PDHX: variants seen among roughly 807,000 people sequenced by gnomAD.
PDHX encodes the protein pyruvate dehydrogenase complex component X.
Under a neutral mutation model 55.3 loss-of-function variants are expected in PDHX, and 33 were observed. The ratio of observed to expected loss-of-function variants is 0.60; its 90% confidence interval spans 0.45 to 0.80. The LOEUF (loss-of-function observed/expected upper bound fraction) is 0.80, where lower values mean the gene tolerates loss of function less well. Ranked by LOEUF, PDHX falls within the 30% of genes least tolerant of loss-of-function variation. The probability of loss-of-function intolerance (pLI) is 0.00; values close to 1 mark genes in which losing one functional copy is unlikely to be tolerated. For missense variants in PDHX, 622 were observed against 619.9 expected (o/e 1.00, Z -0.04); for synonymous variants, 226 against 219.4 (o/e 1.03, Z -0.27).
intron 9 of PDHX, among the ~76,000 whole-genome samples, chr11:34,991,382 A>G (rs1855754597): frequency 6.6e-6 from 1 of 152,204 alleles, no homozygotes; most frequent in Admixed American, 6.5e-5. Flanking sequence ...TAACCAAGTA[A>G]ATTAGGCAGG....
intron 8 of PDHX, among the ~76,000 whole-genome samples, chr11:34,984,099 T>C (rs1425109259): frequency 6.6e-6 from 1 of 151,990 alleles, no homozygotes; most frequent in Non-Finnish European, 1.5e-5. Flanking sequence ...GGAACAGATA[T>C]CTCTTTTAAA....
chr11:34,962,158 C>T (rs149352099), intron 5 of PDHX, among the ~76,000 whole-genome samples: 46 of 152,210 alleles, frequency 3.0e-4, no homozygotes, highest in African/African-American at 1.0e-3. Context: ...GATTGCTGCA[C>T]CTTAGGGGGA....
chr11:34,953,483 T>A (rs1197130863), intron 3 of PDHX, among the ~76,000 whole-genome samples: 1 of 152,160 alleles, frequency 6.6e-6, no homozygotes, highest in African/African-American at 2.4e-5. Flanking sequence ...GCTACTGCTA[T>A]CAACTCTAAT....
At chr11:34,932,244 A>G (rs1303254885) in intron 2 of PDHX, among the ~76,000 whole-genome samples, 4 of 152,170 alleles carry the variant, frequency 2.6e-5, no homozygotes, top group Non-Finnish European at 5.9e-5. Context: ...CAAAATCCAG[A>G]TTATAATATG....
At position 34,995,086 on chromosome 11, in the gene PDHX, G is replaced by A. The variant is rs1855833533; in HGVS notation, c.1420G>A (p.Asp474Asn). Residue 474 changes from aspartate (D) to asparagine (N), a missense_variant, in exon 11 of 11, where the codon GAC becomes AAC. Coordinates refer to ENST00000227868, the MANE Select transcript of PDHX (RefSeq NM_003477.3). Reference sequence around the variant, plus strand: ...GCTCATAACAGTCACAATGTCAAGTGACAGTCGAGTGGTTGATGACGAACT... The same window carrying A: ...GCTCATAACAGTCACAATGTCAAGTAACAGTCGAGTGGTTGATGACGAACT... ...RQLITVTMSS[D>N]SRVVDDELAT... 6 of 1,613,950 alleles carry A rather than the reference G, an allele frequency of 3.7e-6. No homozygotes were observed. The highest frequency in any genetic ancestry group is 8.5e-7 in the Non-Finnish European group (1 of 1,179,970).
intron 8 of PDHX, among the ~76,000 whole-genome samples, chr11:34,979,575 T>C (rs1855460349): frequency 1.3e-5 from 2 of 152,202 alleles, no homozygotes; most frequent in African/African-American, 4.8e-5. Context: ...GAAAATTACA[T>C]TAATACAGAA....
chr11:34,917,373 T>C (rs1853754680), intron 1 of PDHX, among the ~76,000 whole-genome samples: 1 of 152,228 alleles, frequency 6.6e-6, no homozygotes, highest in African/African-American at 2.4e-5. Context: ...CAAGCAAATA[T>C]TCGCTTGAAA....
chr11:34,989,081 G>T (rs1394054047), intron 9 of PDHX, among the ~76,000 whole-genome samples: 2 of 152,182 alleles, frequency 1.3e-5, no homozygotes, highest in Admixed American at 1.3e-4. Flanking sequence ...ACCTAGATGG[G>T]ATAGCCTGCT....
Position 34,992,395 on chromosome 11 carries a change from T to C in PDHX, c.1247+16T>C, listed in dbSNP as rs374096203. The C allele has an allele frequency of 4.4e-6, 6 of 1,351,748 alleles. No homozygotes were observed. The highest frequency in any genetic ancestry group is 1.1e-6 in the Non-Finnish European group (1 of 941,944). The allele number at this position is 1,351,748 out of a possible 1,614,324, so 83.7% of individuals were successfully genotyped here. A position where few individuals can be genotyped will look rare whatever the true frequency, so the allele number is the denominator to read the frequency against. On this transcript the variant is annotated intron_variant, in intron 10 of 10. Coordinates refer to ENST00000227868, the MANE Select transcript of PDHX (RefSeq NM_003477.3). ...GATCTTTTAGGTAAAATTTAAACTCTTAATTATCCATAGCATCAAACAGAT... is the reference window on the plus strand; with the variant it reads ...GATCTTTTAGGTAAAATTTAAACTCCTAATTATCCATAGCATCAAACAGAT...
At chr11:34,973,422 G>A (rs1855297136) in intron 7 of PDHX, among the ~76,000 whole-genome samples, 1 of 152,016 alleles carries the variant, frequency 6.6e-6, no homozygotes, top group Non-Finnish European at 1.5e-5. Context: ...TGGGATAGTT[G>A]GATTTAAATC....
At chr11:34,940,581 T>C (rs952190306) in intron 2 of PDHX, among the ~76,000 whole-genome samples, 1 of 152,222 alleles carries the variant, frequency 6.6e-6, no homozygotes, top group African/African-American at 2.4e-5. Flanking sequence ...TTACATACCA[T>C]AACATTTACC....
chr11:34,989,653 C>CT (rs1421586310), intron 9 of PDHX, among the ~76,000 whole-genome samples: 1 of 152,138 alleles, frequency 6.6e-6, no homozygotes, highest in Admixed American at 6.5e-5. Flanking sequence ...ACTTGGCTGG[C>CT]TTTTTTTCAT....
At chr11:34,915,925 C>G, upstream of PDHX, 1 of 490,940 alleles carries the variant, frequency 2.0e-6, no homozygotes, top group Non-Finnish European at 3.6e-6. Context: ...GCCTGCCTTC[C>G]TGATAAATAC....
intron 3 of PDHX, among the ~76,000 whole-genome samples, chr11:34,951,854 C>T (rs1854778815): frequency 6.6e-6 from 1 of 152,014 alleles, no homozygotes; most frequent in African/African-American, 2.4e-5. Context: ...GTCTTTAATC[C>T]ACCTTGAATT....
chr11:34,965,015 G>A (rs1361123733), intron 5 of PDHX, among the ~76,000 whole-genome samples: 1 of 152,048 alleles, frequency 6.6e-6, no homozygotes, highest in Admixed American at 6.5e-5. Flanking sequence ...TCCTGCTTGT[G>A]TTGATATTCT....
intron 7 of PDHX, among the ~76,000 whole-genome samples, chr11:34,972,256 G>A (rs1855272761): frequency 6.6e-6 from 1 of 150,474 alleles, no homozygotes; most frequent in African/African-American, 2.4e-5. Context: ...TTTGCTTTCA[G>A]TTTACTTTGC....
intron 3 of PDHX, among the ~76,000 whole-genome samples, chr11:34,952,805 A>G (rs977597901): frequency 6.7e-6 from 1 of 148,542 alleles, no homozygotes; most frequent in South Asian, 2.1e-4. Flanking sequence ...CTCTCTCACC[A>G]CTCCTATTCA....
intron 1 of PDHX, among the ~76,000 whole-genome samples, chr11:34,918,411 T>C (rs1853794171): frequency 6.6e-6 from 1 of 150,432 alleles, no homozygotes; most frequent in South Asian, 2.1e-4. Flanking sequence ...CACTTTAGCC[T>C]GGGTGACAGA....
chr11:34,916,662 G>A lies in PDHX; in HGVS notation c.7G>A (p.Ala3Thr). The change falls in exon 1 of 11, where the codon GCC (alanine) becomes ACC (threonine). Residue 3 changes from alanine to threonine, a missense_variant. Transcript: ENST00000227868. ...CAGTGAGAAGGCCGTCAAGATGGCG[G>A]CCTCCTGGAGGCTGGGCTGTGATCC... Reference protein sequence around the residue: MAASWRLGCDPRL... With the variant: MATSWRLGCDPRL... The A allele has an allele frequency of 6.2e-7, 1 of 1,609,296 alleles. No individual in the cohort carries two copies. The highest frequency in any genetic ancestry group is 2.2e-5 in the East Asian group (1 of 44,880).
Sources: allele counts gnomAD v4.1 joint callset (sites outside exome capture counted in the v4.1 genomes callset), GRCh38; gene constraint gnomAD v4.1.1; transcripts MANE v1.5; gene names NCBI Gene and HGNC (gene_info 2026-07-23, HGNC 2026-07-21).